The following ATAD2B variants were observed in gnomAD, a reference collection of about 807,000 sequenced individuals.
ATAD2B encodes the protein ATPase family AAA domain containing 2B, also known as ATPase family AAA domain-containing protein 2B.
Under a neutral mutation model 167.6 loss-of-function variants are expected in ATAD2B, and 40 were observed. That is an observed-to-expected ratio of 0.24 (90% CI 0.19 to 0.31). The LOEUF (loss-of-function observed/expected upper bound fraction) is 0.31. Among genes scored for constraint, ATAD2B ranks in the 10% least tolerant of loss-of-function variants. ATAD2B has a pLI of 1.00. For synonymous variants in ATAD2B, 579 were observed against 596.5 expected (o/e 0.97, Z 0.43); for missense variants, 1,242 against 1,757.2 (o/e 0.71, Z 5.24).
intron 18 of ATAD2B, among the ~76,000 whole-genome samples, chr2:23,799,661 C>G (rs1441610287): frequency 6.9e-6 from 1 of 145,312 alleles, no homozygotes; most frequent in Non-Finnish European, 1.5e-5. Flanking sequence ...TATTATTTTT[C>G]TTTAATGAGT....
At position 23,750,712 on chromosome 2, in the gene ATAD2B, A is replaced by T. The variant is rs1246296977; in HGVS notation, c.*1334T>A. 3 of 152,190 alleles carry T rather than the reference A, an allele frequency of 2.0e-5. No individual in the cohort carries two copies. The highest frequency in any genetic ancestry group is 4.4e-5 in the Non-Finnish European group (3 of 68,012). 9.4% of individuals were successfully genotyped at this position (152,190 alleles called of 1,614,324 possible). A position where few individuals can be genotyped will look rare whatever the true frequency, so the allele number is the denominator to read the frequency against. ...TGTTTAAAAATCATCTGATAAAAAA[A>T]GTCACTGCATCCTTTGCCTCATTGC... On this transcript the variant is annotated 3_prime_UTR_variant, in exon 28 of 28. Coordinates refer to ENST00000238789, the MANE Select transcript of ATAD2B (RefSeq NM_017552.4).
intron 18 of ATAD2B, among the ~76,000 whole-genome samples, chr2:23,808,792 T>C (rs1483737461): frequency 6.6e-6 from 1 of 152,190 alleles, no homozygotes; most frequent in Non-Finnish European, 1.5e-5. Context: ...TTTGATGTGC[T>C]ACTAGATTTC....
At chr2:23,803,391 C>T (rs1683819830) in intron 18 of ATAD2B, among the ~76,000 whole-genome samples, 1 of 152,006 alleles carries the variant, frequency 6.6e-6, no homozygotes, top group African/African-American at 2.4e-5. Context: ...TAGTGACCAG[C>T]TAAAGTACTA....
chr2:23,764,751 C>T (rs528891611), intron 23 of ATAD2B, among the ~76,000 whole-genome samples: 1 of 152,188 alleles, frequency 6.6e-6, no homozygotes, highest in Admixed American at 6.5e-5. Flanking sequence ...ACCTCTTGAG[C>T]CCTATTTCCA....
chr2:23,823,766 C>T (rs933664945), intron 15 of ATAD2B, among the ~76,000 whole-genome samples, 197 bp from the exon 16 acceptor site: 2 of 148,272 alleles, frequency 1.3e-5, no homozygotes, highest in African/African-American at 5.0e-5. Context: ...TGAATACTTA[C>T]ATTAAGATTA....
intron 6 of ATAD2B, chr2:23,883,580 TA>T (rs1352146996): frequency 1.9e-5 from 24 of 1,272,970 alleles, no homozygotes; most frequent in Middle Eastern, 4.3e-4. Flanking sequence ...AATCGCATTA[TA>T]AATCTGTCTC....
At chr2:23,699,739 A>C in the ATAD2B span, among the ~76,000 whole-genome samples, 1 of 151,968 alleles carries the variant, frequency 6.6e-6, no homozygotes. Flanking sequence ...ATCCCACCCC[A>C]TAACACACTG....
intron 27 of ATAD2B, 114 bp from the exon 28 acceptor site, chr2:23,752,201 C>A: frequency 1.3e-6 from 1 of 752,632 alleles, no homozygotes; most frequent in Non-Finnish European, 2.3e-6. Context: ...ACAGGTTAAA[C>A]TTTGAATATT....
rs1251103751 is a variant in ATAD2B, at chr2:23,926,759, G to C, written c.12C>G (p.Thr4=). 1.3e-6 allele frequency: 2 copies of C among 1,544,424 alleles called. No individual in the cohort carries two copies. Among genetic ancestry groups the C allele is most frequent in the Non-Finnish European group, 1.7e-6 (2 of 1,144,488 alleles). The change falls in exon 1 of 28, where the codon ACC becomes ACG. Residue 4 remains threonine, a synonymous_variant. Coordinates refer to ENST00000238789, the MANE Select transcript of ATAD2B (RefSeq NM_017552.4). MVN[T]RKSSLRLLGS... ...CGAGAAGGCGGAGAGAGCTCTTCCGGGTGTTCACCATGGTCCAGCCAGGGG... is the reference window on the plus strand; with the variant it reads ...CGAGAAGGCGGAGAGAGCTCTTCCGCGTGTTCACCATGGTCCAGCCAGGGG...
Position 23,757,589 on chromosome 2 carries a change from T to C in ATAD2B, c.3907A>G (p.Ser1303Gly). The change falls in exon 25 of 28, where the codon AGT becomes GGT. Residue 1303 changes from serine (S) to glycine (G), a missense_variant. Ser to Gly is a moderately conservative substitution (Grantham distance 56). Around this residue, in one of 9 missense-constraint regions of ATAD2B, gnomAD observed 282 missense variants for 346.8 expected, o/e 0.81. Coordinates refer to ENST00000238789, the MANE Select transcript of ATAD2B (RefSeq NM_017552.4). ...VSFCDSGDKC[S>G]SEQKILLEDQ... ...TCCAGAAGAATCTTTTGTTCAGAACTACATTTATCTCCACTATCACAGAAA... is the reference window on the plus strand; with the variant it reads ...TCCAGAAGAATCTTTTGTTCAGAACCACATTTATCTCCACTATCACAGAAA... 6.2e-7 allele frequency: 1 copy of C among 1,613,410 alleles called. No individual in the cohort carries two copies. Among genetic ancestry groups the C allele is most frequent in the Non-Finnish European group, 8.5e-7 (1 of 1,179,628 alleles).
At chr2:23,693,405 C>T in the ATAD2B span, 7 of 1,551,754 alleles carry the variant, frequency 4.5e-6, no homozygotes, top group Non-Finnish European at 5.2e-6. Flanking sequence ...AGGAGATCCT[C>T]AGCATCTCCA....
At chr2:23,893,388 A>G (rs1036917194) in intron 2 of ATAD2B, among the ~76,000 whole-genome samples, 1 of 152,170 alleles carries the variant, frequency 6.6e-6, no homozygotes, top group Non-Finnish European at 1.5e-5. Flanking sequence ...TTAGATGCTC[A>G]TAAGAGTTTA....
At chr2:23,714,530 G>A in the ATAD2B span, among the ~76,000 whole-genome samples, 4,919 of 147,450 alleles carry the variant, frequency 0.033, 101 homozygotes, top group South Asian at 0.097. Context: ...GTGAGCCACC[G>A]CACCTGGCCC....
the ATAD2B span, chr2:23,690,885 C>A: frequency 6.6e-6 from 1 of 152,492 alleles, no homozygotes; most frequent in Non-Finnish European, 1.5e-5. Flanking sequence ...CCTGCTCCCC[C>A]CAGTTCCCCA....
intron 21 of ATAD2B, among the ~76,000 whole-genome samples, chr2:23,784,426 GAAGA>G (rs1680508418): frequency 6.6e-6 from 1 of 151,978 alleles, no homozygotes; most frequent in Non-Finnish European, 1.5e-5. Flanking sequence ...ACGAACCTAA[GAAGA>G]AAGATAAAGG....
intron 1 of ATAD2B, among the ~76,000 whole-genome samples, chr2:23,903,033 G>C (rs968472362): frequency 6.6e-6 from 1 of 151,996 alleles, no homozygotes. Flanking sequence ...TCAGGAGTTC[G>C]AGCCCAGCCT....
the ATAD2B span, chr2:23,703,605 G>A: frequency 2.3e-6 from 3 of 1,308,156 alleles, no homozygotes; most frequent in Non-Finnish European, 3.1e-6. Flanking sequence ...AGGCCAATCA[G>A]TCACTTGTTG....
At chr2:23,752,144 C>T in intron 27 of ATAD2B, 57 bp from the exon 28 acceptor site, 1 of 1,255,316 alleles carries the variant, frequency 8.0e-7, no homozygotes, top group Non-Finnish European at 1.1e-6. Context: ...AAGTGTTCCT[C>T]ATTACGGAAG....
Position 23,872,004 on chromosome 2 carries a change from A to C in ATAD2B, c.978-2243T>G, listed in dbSNP as rs368993289. ...GCGATTCTCCTGCCTCAAGTTCCCAAGTAGCTGGGATTACAGGTGCACACC... is the reference window on the plus strand; with the variant it reads ...GCGATTCTCCTGCCTCAAGTTCCCACGTAGCTGGGATTACAGGTGCACACC... On this transcript the variant is annotated intron_variant, in intron 8 of 27. Transcript: ENST00000238789. Among the ~76,000 whole-genome samples the C allele has an allele frequency of 3.3e-5, 5 of 152,184 alleles. No homozygotes were observed. The East Asian group carries it at 9.7e-4, about 29-fold the overall frequency.
Sources: allele counts gnomAD v4.1 joint callset (sites outside exome capture counted in the v4.1 genomes callset), GRCh38; gene constraint gnomAD v4.1.1; regional missense constraint gnomAD v4.1.1; transcripts MANE v1.5; gene names NCBI Gene and HGNC (gene_info 2026-07-23, HGNC 2026-07-21).